Variants in IGSF5 observed in about 807,000 individuals in gnomAD.
IGSF5 encodes the protein immunoglobulin superfamily 5 like.
In IGSF5, 41 loss-of-function variants were observed where a neutral mutation model predicts 39.4. That is an observed-to-expected ratio of 1.04 (90% CI 0.81 to 1.35). The LOEUF (loss-of-function observed/expected upper bound fraction) is 1.35. Ranked by LOEUF, IGSF5 falls within the 40% of genes most tolerant of loss-of-function variation. IGSF5 has a pLI of 0.00. For synonymous variants in IGSF5, 183 were observed against 175.3 expected (o/e 1.04, Z -0.34); for missense variants, 487 against 494.6 (o/e 0.98, Z 0.15).
chr21:39,749,286 C>G (rs1260760958), intron 2 of IGSF5, among the ~76,000 whole-genome samples: 1 of 151,508 alleles, frequency 6.6e-6, no homozygotes, highest in Non-Finnish European at 1.5e-5. Flanking sequence ...GATCTCCACT[C>G]ACTGCAACCT....
the IGSF5 span, among the ~76,000 whole-genome samples, chr21:39,721,027 A>T: frequency 6.6e-6 from 1 of 152,236 alleles, no homozygotes; most frequent in Admixed American, 6.5e-5. Flanking sequence ...TAACCTGTAG[A>T]ACGAGACATT....
At chr21:39,755,989 G>T (rs1331204297) in intron 2 of IGSF5, among the ~76,000 whole-genome samples, 1 of 152,132 alleles carries the variant, frequency 6.6e-6, no homozygotes, top group Non-Finnish European at 1.5e-5. Flanking sequence ...TACTTGGGAG[G>T]CTGAGGCAGG....
rs539634604 is a variant in IGSF5 at position 39,776,973 on chromosome 21, A to C, written c.719-2117A>C. ...GACCACTGCCATCTTGAGCCTGTGC[A>C]CTGTAGCTTACAGCATTCTCAGAAC... On this transcript the variant is annotated intron_variant, in intron 4 of 8. Coordinates refer to ENST00000380588, the MANE Select transcript of IGSF5 (RefSeq NM_001080444.2). Among the ~76,000 whole-genome samples the C allele has an allele frequency of 9.8e-5, 15 of 152,318 alleles. No individual in the cohort carries two copies. The South Asian group carries it at 3.1e-3, about 32-fold the overall frequency.
chr21:39,762,426 A>G (rs367968022), intron 2 of IGSF5, among the ~76,000 whole-genome samples: 1 of 152,186 alleles, frequency 6.6e-6, no homozygotes, highest in African/African-American at 2.4e-5. Flanking sequence ...GAGTTAAATA[A>G]ACGCCTAAGG....
At chr21:39,715,062 G>A in the IGSF5 span, among the ~76,000 whole-genome samples, 46 of 148,722 alleles carry the variant, frequency 3.1e-4, no homozygotes, top group South Asian at 8.6e-4. Context: ...TCTTTCTTTC[G>A]TTCTTTCTTT....
At chr21:39,749,605 G>A (rs1350673603) in intron 2 of IGSF5, among the ~76,000 whole-genome samples, 2 of 152,196 alleles carry the variant, frequency 1.3e-5, no homozygotes, top group Non-Finnish European at 2.9e-5. Context: ...TGCCCAAAGT[G>A]GTCAGGGCAC....
chr21:39,797,043 A>C lies in IGSF5; in HGVS notation c.1128+3430A>C, dbSNP rs149397793. 2.0e-3 allele frequency among the ~76,000 whole-genome samples: 301 copies of C among 152,322 alleles called. 3 individuals are homozygous for C. The highest frequency in any genetic ancestry group is 6.7e-3 in the African/African-American group (277 of 41,568). ...TGATCTGTTAACACTCGGCAATTTC[A>C]GGAGGACTTAACTAATGGATGACTG... On this transcript the variant is annotated intron_variant, in intron 8 of 8. Transcript: ENST00000380588.
intron 1 of IGSF5, 115 bp downstream of exon 1, chr21:39,745,641 G>C (rs1054756936): frequency 2.1e-5 from 14 of 657,980 alleles, no homozygotes; most frequent in Non-Finnish European, 3.0e-5. Context: ...TTGGCCCTTG[G>C]TTTCCCCAAG....
At chr21:39,756,140 A>G (rs1284754188) in intron 2 of IGSF5, among the ~76,000 whole-genome samples, 3 of 152,154 alleles carry the variant, frequency 2.0e-5, no homozygotes, top group Non-Finnish European at 4.4e-5. Flanking sequence ...TTACAGACAC[A>G]AGTAGTTATA....
chr21:39,771,078 G>C lies in IGSF5; in HGVS notation c.581G>C (p.Ser194Thr). The C allele has an allele frequency of 6.2e-7, 1 of 1,613,790 alleles. No individual in the cohort carries two copies. Among genetic ancestry groups the C allele is most frequent in the South Asian group, 1.1e-5 (1 of 90,956 alleles). ...AGCTATTATTTTGTTCCGGAGCCCA[G>C]CGACCTTCAAAGTGCAGTGAGCATC... ...HSSYYFVPEP[S>T]DLQSAVSILA... The change falls in exon 4 of 9, where the codon AGC becomes ACC. Residue 194 changes from serine to threonine, a missense_variant. Physicochemically the swap from Ser to Thr is moderately conservative, Grantham distance 58. Transcript: ENST00000380588.
At chr21:39,731,453 C>T in the IGSF5 span, among the ~76,000 whole-genome samples, 1 of 152,144 alleles carries the variant, frequency 6.6e-6, no homozygotes, top group Non-Finnish European at 1.5e-5. Context: ...GAATGCTGCG[C>T]TATTACTCTT....
At chr21:39,726,268 G>T in the IGSF5 span, among the ~76,000 whole-genome samples, 1 of 152,218 alleles carries the variant, frequency 6.6e-6, no homozygotes, top group Non-Finnish European at 1.5e-5. Context: ...TTAGCCTGTG[G>T]ATTTCAGCAT....
At chr21:39,773,596 T>C (rs1219980925) in intron 4 of IGSF5, among the ~76,000 whole-genome samples, 4 of 152,092 alleles carry the variant, frequency 2.6e-5, no homozygotes, top group Non-Finnish European at 5.9e-5. Context: ...TTGGTGTCCC[T>C]CCAAGCTGGT....
the IGSF5 span, among the ~76,000 whole-genome samples, chr21:39,733,833 G>A: frequency 6.6e-6 from 1 of 152,056 alleles, no homozygotes; most frequent in African/African-American, 2.4e-5. Context: ...TGCCTTTTTT[G>A]TTACACAGCC....
At chr21:39,798,597 T>G (rs2087011044) in intron 8 of IGSF5, among the ~76,000 whole-genome samples, 1 of 152,242 alleles carries the variant, frequency 6.6e-6, no homozygotes, top group Non-Finnish European at 1.5e-5. Flanking sequence ...CATCTGTGTC[T>G]ACATCTCAAG....
chr21:39,756,027 G>T (rs1264623704), intron 2 of IGSF5, among the ~76,000 whole-genome samples: 2 of 151,958 alleles, frequency 1.3e-5, no homozygotes, highest in Admixed American at 1.3e-4. Context: ...GGAGGCGGAG[G>T]TTGCAGTGAG....
Position 39,801,896 on chromosome 21 carries a change from A to T in IGSF5, c.*539A>T, listed in dbSNP as rs1377915262. On this transcript the variant is annotated 3_prime_UTR_variant, in exon 9 of 9. Coordinates refer to ENST00000380588, the MANE Select transcript of IGSF5 (RefSeq NM_001080444.2). ...GGATGTGCACGTTCCTAAATATCTT[A>T]TGATTGAATATTTACATGAAGGCAT... 2 of 152,604 alleles carry T rather than the reference A, an allele frequency of 1.3e-5. No homozygotes were observed. Among genetic ancestry groups the T allele is most frequent in the African/African-American group, 4.8e-5 (2 of 41,460 alleles). The allele number at this position is 152,604 out of a possible 1,614,324, so 9.5% of individuals were successfully genotyped here.
rs979007093 is a variant in IGSF5, at chr21:39,771,822, C to T, written c.718+607C>T. On this transcript the variant is annotated intron_variant, in intron 4 of 8. Coordinates refer to ENST00000380588, the MANE Select transcript of IGSF5 (RefSeq NM_001080444.2). Reference sequence around the variant, plus strand: ...CCACATTCCTTGAAGGGGCCCATAGCGCCTGTGAGCTTTGAGTCAGCCTGG... The same window carrying T: ...CCACATTCCTTGAAGGGGCCCATAGTGCCTGTGAGCTTTGAGTCAGCCTGG... Among the ~76,000 whole-genome samples, 11 of 152,272 alleles carry T rather than the reference C, an allele frequency of 7.2e-5. No homozygotes were observed. The East Asian group carries it at 9.6e-4, about 13-fold the overall frequency.
At chr21:39,782,685 A>G (rs2080177544) in intron 5 of IGSF5, among the ~76,000 whole-genome samples, 1 of 152,210 alleles carries the variant, frequency 6.6e-6, no homozygotes, top group South Asian at 2.1e-4. Flanking sequence ...CAGGGTAATT[A>G]GCTTATCCAT....
Sources: allele counts gnomAD v4.1 joint callset (sites outside exome capture counted in the v4.1 genomes callset), GRCh38; gene constraint gnomAD v4.1.1; transcripts MANE v1.5; gene names NCBI Gene and HGNC (gene_info 2026-07-23, HGNC 2026-07-21).